SLC43A2: variants seen among roughly 807,000 people sequenced by gnomAD.
SLC43A2 encodes large neutral amino acids transporter small subunit 4.
SLC43A2 carries 38 observed loss-of-function variants against 63.2 expected under a neutral mutation model. The observed-to-expected ratio is 0.60, with a 90% CI of 0.46 to 0.79. SLC43A2 has a LOEUF of 0.79. SLC43A2 is among the 30% of genes least tolerant of loss of function. SLC43A2 has a pLI of 0.00. For synonymous variants in SLC43A2, 322 were observed against 331.0 expected (o/e 0.97, Z 0.30); for missense variants, 644 against 756.2 (o/e 0.85, Z 1.74).
Position 1,578,095 on chromosome 17 carries a change from C to A in SLC43A2, c.1424+155G>T, listed in dbSNP as rs924909975. On this transcript the variant is annotated intron_variant, in intron 12 of 13. Transcript: ENST00000301335. This position sits in a 1 kb window ranked among gnomAD's most constrained non-coding sequence, Gnocchi z 6.5. Reference sequence around the variant, plus strand: ...GAGGTATGGCCTTTCCCTGAAACACCCAGCAGAAACCCTGGTACCTGTCCC... The same window carrying A: ...GAGGTATGGCCTTTCCCTGAAACACACAGCAGAAACCCTGGTACCTGTCCC... 1.3e-5 allele frequency among the ~76,000 whole-genome samples: 2 copies of A among 152,164 alleles called. No individual in the cohort carries two copies. The highest frequency in any genetic ancestry group is 4.8e-5 in the African/African-American group (2 of 41,436).
rs761837543 is a variant in SLC43A2, at chr17:1,583,901, T to A, written c.1218-565A>T. Reference sequence around the variant, plus strand: ...TGTTTTGTTTTGTTTTTTTGTTCTTTGGGTTTTTTTTTGAGATGGAGTCTC... The same window carrying A: ...TGTTTTGTTTTGTTTTTTTGTTCTTAGGGTTTTTTTTTGAGATGGAGTCTC... On this transcript the variant is annotated intron_variant, in intron 10 of 13. Transcript: ENST00000301335. The surrounding 1 kb of genome is among the most constrained non-coding windows in gnomAD (Gnocchi z 5.5). Among the ~76,000 whole-genome samples the A allele has an allele frequency of 1.3e-5, 2 of 151,246 alleles. No individual in the cohort carries two copies. Among genetic ancestry groups the A allele is most frequent in the Non-Finnish European group, 3.0e-5 (2 of 67,694 alleles).
intron 9 of SLC43A2, among the ~76,000 whole-genome samples, chr17:1,586,324 G>C (rs2086419928): frequency 6.6e-6 from 1 of 152,172 alleles, no homozygotes; most frequent in African/African-American, 2.4e-5. Flanking sequence ...GGCCTTCCCA[G>C]AGCTCCAGGA....
At chr17:1,599,395 G>T (rs939563901) in intron 5 of SLC43A2, among the ~76,000 whole-genome samples, 1 of 151,720 alleles carries the variant, frequency 6.6e-6, no homozygotes, top group Non-Finnish European at 1.5e-5. Flanking sequence ...AGTATAAAAA[G>T]AATAAGGTAA....
chr17:1,627,694 A>G, intron 2 of SLC43A2, 21 bp downstream of exon 2: 1 of 554,972 alleles, frequency 1.8e-6, no homozygotes, highest in South Asian at 3.9e-5. Context: ...AGCCCCCCGC[A>G]ACCCCAGGCG....
intron 9 of SLC43A2, chr17:1,586,928 T>TTGG: frequency 1.2e-5 from 15 of 1,232,886 alleles, no homozygotes; most frequent in Non-Finnish European, 1.6e-5. Context: ...TCCCTGACAA[T>TTGG]CCCCCCCACC....
intron 8 of SLC43A2, 92 bp downstream of exon 8, chr17:1,591,177 G>A (rs1049443917): frequency 1.3e-5 from 20 of 1,495,542 alleles, no homozygotes; most frequent in African/African-American, 2.7e-5. Context: ...GGGCGGGGCC[G>A]CCTCCCCTTT....
intron 2 of SLC43A2, among the ~76,000 whole-genome samples, chr17:1,621,117 G>C (rs1908113368): frequency 6.6e-6 from 1 of 152,182 alleles, no homozygotes; most frequent in Admixed American, 6.5e-5. Context: ...AGGAGACCCA[G>C]GGCCAGGGAG....
At chr17:1,581,166 C>T (rs2076006583) in intron 11 of SLC43A2, among the ~76,000 whole-genome samples, 1 of 149,706 alleles carries the variant, frequency 6.7e-6, no homozygotes, top group African/African-American at 2.5e-5. Context: ...GCAGGGGCTG[C>T]TCTTGGCAGT....
At chr17:1,599,999 G>C (rs1905767819) in intron 5 of SLC43A2, among the ~76,000 whole-genome samples, 1 of 145,948 alleles carries the variant, frequency 6.9e-6, no homozygotes, top group South Asian at 2.2e-4. Flanking sequence ...AGCTGAGATT[G>C]CGCCACTGCA....
chr17:1,620,559 T>A (rs1028836290), intron 2 of SLC43A2, among the ~76,000 whole-genome samples: 2 of 151,950 alleles, frequency 1.3e-5, no homozygotes, highest in Non-Finnish European at 2.9e-5. Context: ...CTTAAACAAA[T>A]CCCTGCCGAT....
Position 1,627,878 on chromosome 17 carries a change from G to A in SLC43A2, c.-4C>T. ...CAGTGGCCAGGGTGGGCGCCATGGT[G>A]CGGCGCGGCGCGGCTCCGGCTCCGG... is the stretch of plus-strand genomic sequence containing the variant. On this transcript the variant is annotated 5_prime_UTR_variant, in exon 2 of 14. Transcript: ENST00000301335. 1.3e-6 allele frequency: 2 copies of A among 1,552,704 alleles called. No individual in the cohort carries two copies. Among genetic ancestry groups the A allele is most frequent in the South Asian group, 1.2e-5 (1 of 84,342 alleles).
chr17:1,576,591 T>A lies in SLC43A2; in HGVS notation c.1548+6A>T. ...CCATGACCCACCATCCCCCGACCCC[T>A]CTTACCCACAGAGGGTCTCCCTGGA... On this transcript the variant is annotated splice_donor_region_variant and intron_variant, in intron 13 of 13. Transcript: ENST00000301335. 1 of 1,602,466 alleles carries A rather than the reference T, an allele frequency of 6.2e-7. No homozygotes were observed. Among genetic ancestry groups the A allele is most frequent in the Admixed American group, 1.7e-5 (1 of 58,944 alleles).
Position 1,613,379 on chromosome 17 carries a change from C to T in SLC43A2, c.425-108G>A, listed in dbSNP as rs551332022. ...GCAGGCTCCCAGTAAATCCAGTAAA[C>T]GCAGGCCGGGGTTAGTACCTGACAT... On this transcript the variant is annotated intron_variant, in intron 4 of 13. Coordinates refer to ENST00000301335, the MANE Select transcript of SLC43A2 (RefSeq NM_152346.3). The T allele has an allele frequency of 3.6e-5, 34 of 939,718 alleles. No homozygotes were observed. The East Asian group carries it at 6.6e-4, about 18-fold the overall frequency. 58.2% of individuals were successfully genotyped at this position (939,718 alleles called of 1,614,324 possible). A position where few individuals can be genotyped will look rare whatever the true frequency, so the allele number is the denominator to read the frequency against.
At chr17:1,586,930 C>CCCCCCCCCCCCCCCACACCCA in intron 9 of SLC43A2, 1 of 783,192 alleles carries the variant, frequency 1.3e-6, no homozygotes, top group Middle Eastern at 2.3e-4. Flanking sequence ...CCTGACAATC[C>CCCCCCCCCCCCCCCACACCCA]CCCCCACCCC....
At chr17:1,596,128 G>A (rs1393028838) in intron 5 of SLC43A2, among the ~76,000 whole-genome samples, 3 of 151,892 alleles carry the variant, frequency 2.0e-5, no homozygotes, top group African/African-American at 7.3e-5. Flanking sequence ...ACACCAGCCT[G>A]GCCAACATGG....
intron 2 of SLC43A2, 39 bp downstream of exon 2, chr17:1,627,676 G>GC: frequency 1.4e-6 from 1 of 712,298 alleles, no homozygotes. Flanking sequence ...CAAAGCCCCA[G>GC]CTCCAGGAGC....
intron 2 of SLC43A2, among the ~76,000 whole-genome samples, chr17:1,624,601 A>G (rs1908488561): frequency 6.6e-6 from 1 of 151,214 alleles, no homozygotes; most frequent in African/African-American, 2.4e-5. Flanking sequence ...AAACAAAAAC[A>G]AAAAACTAAC....
chr17:1,619,418 C>T (rs1907957648), intron 2 of SLC43A2, among the ~76,000 whole-genome samples: 1 of 152,238 alleles, frequency 6.6e-6, no homozygotes, highest in Non-Finnish European at 1.5e-5. Context: ...TTAAGGAGAT[C>T]AGAGCCACGA....
chr17:1,613,295 G>C, intron 4 of SLC43A2, 24 bp from the exon 5 acceptor site: 6 of 1,612,366 alleles, frequency 3.7e-6, no homozygotes, highest in Middle Eastern at 1.7e-4. Flanking sequence ...GAAAGCTCGT[G>C]AGTGGAGACC....
Sources: gnomAD v4.1 joint callset for allele counts (sites outside exome capture counted in the v4.1 genomes callset) on GRCh38, gnomAD v4.1.1 for gene constraint, Gnocchi (gnomAD v3.1) non-coding constraint, MANE v1.5 for transcripts, NCBI Gene and HGNC (gene_info 2026-07-23, HGNC 2026-07-21) for gene names.